Variants in ZNF560 observed in about 807,000 individuals in gnomAD.
The protein encoded by ZNF560 is zinc finger protein 560.
A neutral mutation model predicts 81.8 loss-of-function variants in ZNF560; 54 were observed. The ratio of observed to expected loss-of-function variants is 0.66; its 90% CI spans 0.53 to 0.83. The LOEUF (loss-of-function observed/expected upper bound fraction) is 0.83, where lower values mean the gene tolerates loss of function less well. Among genes scored for constraint, ZNF560 ranks in the 40% least tolerant of loss-of-function variants. The pLI is 0.00. For synonymous variants in ZNF560, 321 were observed against 317.9 expected (o/e 1.01, Z -0.10); for missense variants, 940 against 932.4 (o/e 1.01, Z -0.11).
Position 9,468,320 on chromosome 19 carries a change from AT to A in ZNF560, c.626del (p.Asn209MetfsTer25). 1.9e-6 allele frequency: 3 copies of A among 1,590,560 alleles called. No individual in the cohort carries two copies. The South Asian group carries it at 3.5e-5, about 18-fold the overall frequency. ...GCTTACAGTCATAGAGTTCCTCTCCATTTTGGTTTCTTGCCTGTTAACACAG... is the reference window on the plus strand; with the variant it reads ...GCTTACAGTCATAGAGTTCCTCTCCATTTGGTTTCTTGCCTGTTAACACAG... The part of the protein sequence containing the change: ...LNGIQLARNQ[N>X]GEELYDCKQC... On this transcript the variant is annotated frameshift_variant, in exon 10 of 10. Coordinates refer to ENST00000301480, the MANE Select transcript of ZNF560 (RefSeq NM_152476.3). LOFTEE classifies it high-confidence loss of function.
At chr19:9,456,125 A>G in the ZNF560 span, among the ~76,000 whole-genome samples, 1 of 152,194 alleles carries the variant, frequency 6.6e-6, no homozygotes, top group African/African-American at 2.4e-5. Flanking sequence ...CCTGGCTCAG[A>G]CCACTCCCTC....
Position 9,475,377 on chromosome 19 carries a change from A to G in ZNF560, c.-56-8T>C. On this transcript the variant is annotated splice_polypyrimidine_tract_variant and splice_region_variant and intron_variant, in intron 2 of 9. Transcript: ENST00000301480. ...TTGGGTTCCTAGAAAGACCTGGAAA[A>G]GAAAGAAGGCATAAGAGCCCAGACA... 6.5e-7 allele frequency: 1 copy of G among 1,541,198 alleles called. No homozygotes were observed. The highest frequency in any genetic ancestry group is 8.9e-7 in the Non-Finnish European group (1 of 1,117,922).
upstream of ZNF560, among the ~76,000 whole-genome samples, chr19:9,502,565 A>C (rs1450725171): frequency 6.6e-6 from 1 of 152,120 alleles, no homozygotes. Context: ...TTACTCTTTA[A>C]ATGTTTAGTA....
At chr19:9,463,830 G>A (rs916381090), downstream of ZNF560, among the ~76,000 whole-genome samples, 2 of 152,182 alleles carry the variant, frequency 1.3e-5, no homozygotes, top group African/African-American at 2.4e-5. Context: ...CTACAGGCAC[G>A]TGCCATCACA....
intron 7 of ZNF560, 38 bp downstream of exon 7, chr19:9,470,354 G>C (rs1020779791): frequency 6.4e-7 from 1 of 1,570,784 alleles, no homozygotes; most frequent in East Asian, 2.2e-5. Flanking sequence ...TTTGTATCTT[G>C]TTCCAGAATA....
chr19:9,504,204 G>A, the ZNF560 span, among the ~76,000 whole-genome samples: 14 of 152,218 alleles, frequency 9.2e-5, no homozygotes, highest in East Asian at 1.9e-4. Flanking sequence ...GAGGCCAAGA[G>A]TGGATGGATC....
chr19:9,502,235 CAG>C (rs1415878869), upstream of ZNF560, among the ~76,000 whole-genome samples: 12 of 150,078 alleles, frequency 8.0e-5, no homozygotes, highest in South Asian at 6.5e-4. Context: ...TGGTTTGAGA[CAG>C]AGTCTCGCTC....
chr19:9,497,408 C>G (rs2073577609), intron 2 of ZNF560, among the ~76,000 whole-genome samples: 1 of 150,960 alleles, frequency 6.6e-6, no homozygotes, highest in Non-Finnish European at 1.5e-5. Context: ...GGTGGCACAC[C>G]CCTGTAATTA....
At chr19:9,482,621 C>T (rs1396789147) in intron 2 of ZNF560, among the ~76,000 whole-genome samples, 1 of 151,562 alleles carries the variant, frequency 6.6e-6, no homozygotes, top group Non-Finnish European at 1.5e-5. Context: ...AAGACCCTTT[C>T]TCAAAAAGAA....
In ZNF560 at chr19:9,467,405, C is replaced by T. The variant is rs555155392; in HGVS notation, c.1542G>A (p.Lys514=). Residue 514 remains lysine, a synonymous_variant, in exon 10 of 10, where the codon AAG becomes AAA. Transcript: ENST00000301480. ...TCCCACATTTGTAACACTTAAAGGG[C>T]TTCTCACCAGTGTGAGTTCTCAAAT... ...FAHLRTHTGE[K]PFKCYKCGKP... The T allele has an allele frequency of 1.2e-6, 2 of 1,614,014 alleles. No individual in the cohort carries two copies. The highest frequency in any genetic ancestry group is 3.3e-5 in the Admixed American group (2 of 59,990).
intron 2 of ZNF560, among the ~76,000 whole-genome samples, chr19:9,475,695 C>T (rs918812365): frequency 9.2e-5 from 14 of 151,612 alleles, no homozygotes; most frequent in African/African-American, 3.4e-4. Flanking sequence ...CAAGCTCTGC[C>T]TCCTGGGTTC....
chr19:9,473,532 C>A (rs1162190689), intron 4 of ZNF560, among the ~76,000 whole-genome samples: 1 of 151,316 alleles, frequency 6.6e-6, no homozygotes, highest in African/African-American at 2.4e-5. Flanking sequence ...GAGCCGAGAT[C>A]ATGCCACTGC....
chr19:9,454,890 C>T, the ZNF560 span, among the ~76,000 whole-genome samples: 385 of 152,118 alleles, frequency 2.5e-3, 2 homozygotes, highest in African/African-American at 9.0e-3. Flanking sequence ...GATAAAAGAA[C>T]AGATCCGTCA....
At chr19:9,457,601 G>A in the ZNF560 span, among the ~76,000 whole-genome samples, 87,337 of 152,002 alleles carry the variant, frequency 0.57, 25,894 homozygotes, top group African/African-American at 0.71. Context: ...GTCACTTGGA[G>A]AATTCAATTT....
intron 7 of ZNF560, among the ~76,000 whole-genome samples, 180 bp downstream of exon 7, chr19:9,470,212 A>G (rs922188006): frequency 1.3e-5 from 2 of 152,228 alleles, no homozygotes; most frequent in Non-Finnish European, 1.5e-5. Context: ...TACAAGATTA[A>G]AACCCATTAG....
chr19:9,458,114 C>T, the ZNF560 span, among the ~76,000 whole-genome samples: 4 of 152,150 alleles, frequency 2.6e-5, no homozygotes, highest in Non-Finnish European at 4.4e-5. Context: ...AATGGGAGAA[C>T]TCGGATTGTT....
intron 2 of ZNF560, among the ~76,000 whole-genome samples, chr19:9,481,762 A>G (rs1164768110): frequency 6.6e-6 from 1 of 152,234 alleles, no homozygotes; most frequent in East Asian, 1.9e-4. Flanking sequence ...ATCATTAAAA[A>G]GTCAGGAAAC....
At chr19:9,464,569 GAGTAT>G (rs773062237), downstream of ZNF560, among the ~76,000 whole-genome samples, 8 of 152,182 alleles carry the variant, frequency 5.3e-5, no homozygotes, top group Non-Finnish European at 1.2e-4. Context: ...AGAGGAACAA[GAGTAT>G]TTTTACATTT....
intron 2 of ZNF560, among the ~76,000 whole-genome samples, chr19:9,494,853 G>A (rs2073531210): frequency 6.6e-6 from 1 of 152,100 alleles, no homozygotes; most frequent in South Asian, 2.1e-4. Flanking sequence ...GTTGTGGTGA[G>A]CCAAGGTCAC....
Sources: gnomAD v4.1 joint callset for allele counts (sites outside exome capture counted in the v4.1 genomes callset) on GRCh38, gnomAD v4.1.1 for gene constraint, MANE v1.5 for transcripts, NCBI Gene and HGNC (gene_info 2026-07-23, HGNC 2026-07-21) for gene names.